RIOK3: variants seen among roughly 807,000 people sequenced by gnomAD.
RIOK3 encodes the protein serine/threonine-protein kinase RIO3.
RIOK3 carries 40 observed loss-of-function variants against 63.5 expected under a neutral mutation model. That is an observed-to-expected ratio of 0.63 (90% CI 0.49 to 0.82). RIOK3 has a LOEUF of 0.82. Ranked by LOEUF, RIOK3 falls within the 40% of genes least tolerant of loss-of-function variation. RIOK3 has a pLI of 0.00. For synonymous variants in RIOK3, 193 were observed against 205.0 expected, an observed-to-expected ratio of 0.94 and a Z score of 0.50; for missense variants, 557 against 637.0, an observed-to-expected ratio of 0.87 and a Z score of 1.35.
chr18:23,481,157 G>A lies in RIOK3; in HGVS notation c.1453-15G>A, dbSNP rs1169222823. On this transcript the variant is annotated splice_polypyrimidine_tract_variant and intron_variant, in intron 12 of 12. Coordinates refer to ENST00000339486, the MANE Select transcript of RIOK3 (RefSeq NM_003831.5). ...TAGGATTTTGACAAATGGATTCAAT[G>A]TATTATTTTTGTAGATAGAAGCTTT... is the stretch of plus-strand genomic sequence containing the variant. 3 of 1,503,890 alleles carry A rather than the reference G, an allele frequency of 2.0e-6. No individual in the cohort carries two copies. Among genetic ancestry groups the A allele is most frequent in the African/African-American group, 1.4e-5 (1 of 72,652 alleles). The allele number at this position is 1,503,890 out of a possible 1,614,324, so 93.2% of individuals were successfully genotyped here.
At position 23,472,337 on chromosome 18, in the gene RIOK3, G is replaced by A. The variant is rs181259958; in HGVS notation, c.816-1092G>A. On this transcript the variant is annotated intron_variant, in intron 7 of 12. Coordinates refer to ENST00000339486, the MANE Select transcript of RIOK3 (RefSeq NM_003831.5). Reference sequence around the variant, plus strand: ...GAGAAGGAAGGTTTCTTAGAACCAGGTGAAGGACTTTAACCTTTTGAGACT... The same window carrying A: ...GAGAAGGAAGGTTTCTTAGAACCAGATGAAGGACTTTAACCTTTTGAGACT... 8.8e-4 allele frequency among the ~76,000 whole-genome samples: 134 copies of A among 152,322 alleles called. 2 individuals are homozygous for A. Among genetic ancestry groups the A allele is most frequent in the South Asian group, 8.7e-3 (42 of 4,830 alleles).
intron 8 of RIOK3, 47 bp downstream of exon 8, chr18:23,473,673 T>C (rs779406096): frequency 7.3e-7 from 1 of 1,369,156 alleles, no homozygotes; most frequent in Non-Finnish European, 1.0e-6. Flanking sequence ...AATACCTTTT[T>C]GCATTAGGAT....
intron 8 of RIOK3, 138 bp from the exon 9 acceptor site, chr18:23,474,810 A>G (rs186637398): frequency 1.3e-4 from 80 of 629,594 alleles, no homozygotes; most frequent in Admixed American, 5.9e-4. Context: ...GCTGTGTTTT[A>G]CTGTCTTTGT....
At chr18:23,462,672 T>C (rs1213046130) in intron 1 of RIOK3, among the ~76,000 whole-genome samples, 1 of 152,266 alleles carries the variant, frequency 6.6e-6, no homozygotes, top group Non-Finnish European at 1.5e-5. Flanking sequence ...TTACATGAAC[T>C]CATTGGCTAG....
chr18:23,458,052 C>A (rs1041285231), intron 1 of RIOK3, among the ~76,000 whole-genome samples: 1 of 149,024 alleles, frequency 6.7e-6, no homozygotes, highest in African/African-American at 2.5e-5. Context: ...CATCACCACG[C>A]CTGGCTAGTT....
At chr18:23,476,625 G>C (rs1361966810) in intron 9 of RIOK3, among the ~76,000 whole-genome samples, 2 of 25,912 alleles carry the variant, frequency 7.7e-5, no homozygotes, top group East Asian at 9.8e-4. Flanking sequence ...AGACTTTGAG[G>C]GGGGCTGGGC....
intron 7 of RIOK3, among the ~76,000 whole-genome samples, chr18:23,471,677 G>A (rs1339861356): frequency 6.6e-6 from 1 of 152,168 alleles, no homozygotes; most frequent in Non-Finnish European, 1.5e-5. Flanking sequence ...GAGAGCGTTG[G>A]TGTGTGTTTT....
rs932293074 is a variant in RIOK3 at position 23,470,319 on chromosome 18, C to T, written c.815+2793C>T. 6.0e-5 allele frequency among the ~76,000 whole-genome samples: 9 copies of T among 150,676 alleles called. No individual in the cohort carries two copies. The South Asian group carries it at 1.7e-3, about 28-fold the overall frequency. On this transcript the variant is annotated intron_variant, in intron 7 of 12. Coordinates refer to ENST00000339486, the MANE Select transcript of RIOK3 (RefSeq NM_003831.5). ...AGCGGAGCTTGCAGTGAGCTGAGAT[C>T]GCGCCACTGCACTCCAGCCTGGGTG...
In RIOK3 at chr18:23,477,211, AC is replaced by A. The variant is rs775845863; in HGVS notation, c.1289del (p.Pro430LeufsTer42). On this transcript the variant is annotated frameshift_variant, in exon 11 of 13. Coordinates refer to ENST00000339486, the MANE Select transcript of RIOK3 (RefSeq NM_003831.5). LOFTEE classifies it high-confidence loss of function. ...TGATCGATGTCAGTCAGTCAGTAGA[AC>A]CTACCCACCCTCACGGCCTGGAGTT... ...WLIDVSQSVE[P>X]THPHGLEFLF... is the part of the protein sequence containing the mutation. 144 of 1,614,018 alleles carry A rather than the reference AC, an allele frequency of 8.9e-5. No individual in the cohort carries two copies. Among genetic ancestry groups the A allele is most frequent in the Non-Finnish European group, 1.0e-4 (118 of 1,180,020 alleles).
chr18:23,459,325 A>G (rs2057359734), intron 1 of RIOK3, among the ~76,000 whole-genome samples: 1 of 152,220 alleles, frequency 6.6e-6, no homozygotes, highest in Non-Finnish European at 1.5e-5. Flanking sequence ...AGACCTCTGC[A>G]GCCAATCACT....
chr18:23,471,704 GCA>G (rs1315926414), intron 7 of RIOK3, among the ~76,000 whole-genome samples: 1 of 152,176 alleles, frequency 6.6e-6, no homozygotes, highest in Non-Finnish European at 1.5e-5. Flanking sequence ...AGAGAGAACA[GCA>G]CACGCTGTTG....
rs898135280 is a variant in RIOK3, at chr18:23,482,830, T to C, written c.*1551T>C. Reference sequence around the variant, plus strand: ...TTTAAAATGCCAAATATGTTCTTTCTAGAAAAATATTTATTTTTGTTTTTG... The same window carrying C: ...TTTAAAATGCCAAATATGTTCTTTCCAGAAAAATATTTATTTTTGTTTTTG... On this transcript the variant is annotated 3_prime_UTR_variant, in exon 13 of 13. Transcript: ENST00000339486. The C allele has an allele frequency of 1.3e-5, 2 of 152,224 alleles. No homozygotes were observed. The highest frequency in any genetic ancestry group is 4.8e-5 in the African/African-American group (2 of 41,470). The allele number at this position is 152,224 out of a possible 1,614,324, so 9.4% of individuals were successfully genotyped here.
chr18:23,464,884 G>T (rs2057396079), intron 5 of RIOK3, among the ~76,000 whole-genome samples: 1 of 152,140 alleles, frequency 6.6e-6, no homozygotes, highest in African/African-American at 2.4e-5. Flanking sequence ...TAGTTATTAT[G>T]AAATTAACAT....
At chr18:23,469,724 G>A (rs920637457) in intron 7 of RIOK3, among the ~76,000 whole-genome samples, 1 of 151,958 alleles carries the variant, frequency 6.6e-6, no homozygotes, top group Non-Finnish European at 1.5e-5. Flanking sequence ...CTGACCTTGT[G>A]ATCCAACTGC....
chr18:23,482,766 GA>G lies in RIOK3; in HGVS notation c.*1488del, dbSNP rs1475841232. On this transcript the variant is annotated 3_prime_UTR_variant, in exon 13 of 13. Coordinates refer to ENST00000339486, the MANE Select transcript of RIOK3 (RefSeq NM_003831.5). Reference sequence around the variant, plus strand: ...TCTGGTAATAGAAAGTAAAAATCTAGACATCATTTACATTTGAGAAAGCTGT... The same window carrying G: ...TCTGGTAATAGAAAGTAAAAATCTAGCATCATTTACATTTGAGAAAGCTGT... The G allele has an allele frequency of 6.6e-6, 1 of 152,094 alleles. No individual in the cohort carries two copies. The highest frequency in any genetic ancestry group is 1.5e-5 in the Non-Finnish European group (1 of 68,010). The allele number at this position is 152,094 out of a possible 1,614,324, so 9.4% of individuals were successfully genotyped here.
At position 23,468,293 on chromosome 18, in the gene RIOK3, C is replaced by CTTT. The variant is rs1245472469; in HGVS notation, c.815+789_815+791dup. On this transcript the variant is annotated intron_variant, in intron 7 of 12. Coordinates refer to ENST00000339486, the MANE Select transcript of RIOK3 (RefSeq NM_003831.5). ...ATTTTCTGTTATACTCAATATACTC[C>CTTT]TTTTTTTTTTTTTTTTTTTTTTTTG... 4.9e-3 allele frequency among the ~76,000 whole-genome samples: 228 copies of CTTT among 46,496 alleles called. 3 individuals carry two copies. Among genetic ancestry groups the CTTT allele is most frequent in the African/African-American group, 5.6e-3 (54 of 9,646 alleles). 30.5% of individuals were successfully genotyped at this position (46,496 alleles called of 152,430 possible).
chr18:23,455,787 C>A (rs2057336698), intron 1 of RIOK3, among the ~76,000 whole-genome samples: 1 of 151,876 alleles, frequency 6.6e-6, no homozygotes, highest in South Asian at 2.1e-4. Context: ...GCCAGTGCCA[C>A]CACACCTAGC....
rs56323424 is a variant in RIOK3, at chr18:23,475,356, G to A, written c.1173+249G>A. ...CGTGTGCCTGTAATCCCAGCTACTC[G>A]GGATGCTGAGGCAGGGGAATTGCTT... On this transcript the variant is annotated intron_variant, in intron 9 of 12. Transcript: ENST00000339486. Among the ~76,000 whole-genome samples the A allele has an allele frequency of 4.0e-3, 612 of 151,572 alleles. 3 individuals are homozygous for A. Among genetic ancestry groups the A allele is most frequent in the Middle Eastern group, 0.017 (5 of 294 alleles).
chr18:23,462,609 A>G (rs1486001088), intron 1 of RIOK3, among the ~76,000 whole-genome samples: 1 of 152,242 alleles, frequency 6.6e-6, no homozygotes, highest in Non-Finnish European at 1.5e-5. Context: ...TACTTGGGAA[A>G]TCAGATTATA....
Sources: gnomAD v4.1 joint callset for allele counts (sites outside exome capture counted in the v4.1 genomes callset) on GRCh38, gnomAD v4.1.1 for gene constraint, MANE v1.5 for transcripts, NCBI Gene and HGNC (gene_info 2026-07-23, HGNC 2026-07-21) for gene names.